Variants in FAM174A observed in about 807,000 individuals in gnomAD.
FAM174A encodes membrane protein FAM174A.
FAM174A carries 14 observed loss-of-function variants against 14.3 expected under a neutral mutation model. The ratio of observed to expected loss-of-function variants is 0.98; its 90% confidence interval spans 0.65 to 1.53. FAM174A has a LOEUF of 1.53. FAM174A is among the 40% of genes most tolerant of loss of function. The pLI is 0.00. For synonymous variants in FAM174A, 108 were observed against 111.4 expected, an observed-to-expected ratio of 0.97 and a Z score of 0.19; for missense variants, 241 against 249.6, an observed-to-expected ratio of 0.97 and a Z score of 0.23.
chr5:100,536,059 C>T (rs1453936774), intron 1 of FAM174A, 95 bp downstream of exon 1: 5 of 1,143,034 alleles, frequency 4.4e-6, no homozygotes, highest in East Asian at 5.2e-5. Context: ...TTTCCCCCTT[C>T]CCCAGCATCA....
intron 1 of FAM174A, among the ~76,000 whole-genome samples, chr5:100,558,187 C>G (rs1054296665): frequency 6.6e-6 from 1 of 152,130 alleles, no homozygotes; most frequent in African/African-American, 2.4e-5. Flanking sequence ...GCCTTCATTT[C>G]GTTATGTACC....
chr5:100,566,992 C>T (rs1376027214), intron 2 of FAM174A, among the ~76,000 whole-genome samples: 2 of 151,788 alleles, frequency 1.3e-5, no homozygotes, highest in African/African-American at 4.8e-5. Flanking sequence ...ACTTGCATTA[C>T]AGTTACAGCA....
chr5:100,580,191 C>T (rs1022571803), intron 2 of FAM174A, among the ~76,000 whole-genome samples: 1 of 152,028 alleles, frequency 6.6e-6, no homozygotes, highest in African/African-American at 2.4e-5. Context: ...AAGAATTGCC[C>T]CTGTCTGACA....
chr5:100,550,174 G>A (rs950787890), intron 1 of FAM174A, among the ~76,000 whole-genome samples: 10 of 152,178 alleles, frequency 6.6e-5, no homozygotes, highest in African/African-American at 2.4e-4. Flanking sequence ...TTGGGTTAGA[G>A]TATGACAGTT....
intron 2 of FAM174A, among the ~76,000 whole-genome samples, chr5:100,576,596 G>C (rs934319618): frequency 7.9e-5 from 12 of 152,062 alleles, no homozygotes; most frequent in African/African-American, 2.9e-4. Context: ...GGAGGAAAAT[G>C]GAAGTACCAT....
At chr5:100,536,094 ATTGAC>A in intron 1 of FAM174A, 130 bp downstream of exon 1, 1 of 802,354 alleles carries the variant, frequency 1.2e-6, no homozygotes, top group South Asian at 2.2e-5. Context: ...AGAATATGAT[ATTGAC>A]TTTCTTAAAG....
intron 1 of FAM174A, among the ~76,000 whole-genome samples, chr5:100,550,509 A>G (rs1167292218): frequency 6.6e-6 from 1 of 152,136 alleles, no homozygotes; most frequent in Admixed American, 6.6e-5. Context: ...TTGTTTAGCA[A>G]TATTTATCAG....
At chr5:100,585,873 T>G (rs535228306) in intron 2 of FAM174A, among the ~76,000 whole-genome samples, 9 of 152,210 alleles carry the variant, frequency 5.9e-5, no homozygotes, top group Non-Finnish European at 1.5e-5. Flanking sequence ...TATTGTATAC[T>G]CAAGTCAACT....
At chr5:100,538,971 A>T (rs1472459830) in intron 1 of FAM174A, among the ~76,000 whole-genome samples, 3 of 152,148 alleles carry the variant, frequency 2.0e-5, no homozygotes, top group African/African-American at 7.2e-5. Context: ...TTCTTGCCTT[A>T]AAAGCAGGGA....
intron 2 of FAM174A, among the ~76,000 whole-genome samples, chr5:100,574,897 G>A (rs373207894): frequency 7.9e-5 from 12 of 152,100 alleles, no homozygotes; most frequent in African/African-American, 2.7e-4. Context: ...CCTTACTGCA[G>A]GACGTATTAG....
chr5:100,575,314 C>G (rs1746878820), intron 2 of FAM174A, among the ~76,000 whole-genome samples: 1 of 151,954 alleles, frequency 6.6e-6, no homozygotes, highest in African/African-American at 2.4e-5. Context: ...AGGTTTGTTA[C>G]ATATGTATAC....
intron 2 of FAM174A, chr5:100,581,554 AC>A (rs201690188): frequency 0.055 from 9,073 of 165,046 alleles, 914 homozygotes; most frequent in African/African-American, 0.2. Context: ...GGAATTCAAG[AC>A]CTCGCTTAAG....
At position 100,562,114 on chromosome 5, in the gene FAM174A, T is replaced by C. The variant is rs772812927; in HGVS notation, c.495T>C (p.Asn165=). 54 of 1,588,168 alleles carry C rather than the reference T, an allele frequency of 3.4e-5. No homozygotes were observed. Among genetic ancestry groups the C allele is most frequent in the Non-Finnish European group, 4.3e-5 (50 of 1,168,820 alleles). ...RYGVLDTNIE[N]MELTPLEQDD... is the part of the protein sequence containing the mutation. ...GAGTTTTGGACACTAACATAGAAAATATGGAATTGACACCTTTAGAACAGG... is the reference window on the plus strand; with the variant it reads ...GAGTTTTGGACACTAACATAGAAAACATGGAATTGACACCTTTAGAACAGG... Residue 165 remains asparagine, a synonymous_variant, in exon 2 of 3, where the codon AAT becomes AAC. Coordinates refer to ENST00000312637, the MANE Select transcript of FAM174A (RefSeq NM_198507.3).
At chr5:100,575,188 A>C (rs969290467) in intron 2 of FAM174A, among the ~76,000 whole-genome samples, 2 of 152,128 alleles carry the variant, frequency 1.3e-5, no homozygotes, top group Non-Finnish European at 2.9e-5. Context: ...TATAAGTAGA[A>C]TGATTTGTCT....
chr5:100,585,291 T>A (rs1285270218), intron 2 of FAM174A, among the ~76,000 whole-genome samples: 1 of 152,234 alleles, frequency 6.6e-6, no homozygotes, highest in African/African-American at 2.4e-5. Context: ...CTTATGTGCA[T>A]AAGTTTTGAT....
chr5:100,539,350 A>G (rs1404974510), intron 1 of FAM174A, among the ~76,000 whole-genome samples: 1 of 152,152 alleles, frequency 6.6e-6, no homozygotes, highest in African/African-American at 2.4e-5. Flanking sequence ...GGATGCTATG[A>G]AAAGGCATTA....
At chr5:100,555,314 A>C (rs1194942196) in intron 1 of FAM174A, among the ~76,000 whole-genome samples, 1 of 151,854 alleles carries the variant, frequency 6.6e-6, no homozygotes, top group African/African-American at 2.4e-5. Context: ...ACATTTTCTT[A>C]ATCCAGTCTA....
chr5:100,574,369 G>A (rs1188356111), intron 2 of FAM174A, among the ~76,000 whole-genome samples: 2 of 151,770 alleles, frequency 1.3e-5, no homozygotes, highest in Admixed American at 6.6e-5. Flanking sequence ...TGTATTTTTA[G>A]TAGAGACAGG....
chr5:100,548,576 A>G (rs1368481586), intron 1 of FAM174A, among the ~76,000 whole-genome samples: 1 of 152,096 alleles, frequency 6.6e-6, no homozygotes, highest in Non-Finnish European at 1.5e-5. Context: ...ATTTGTCTCA[A>G]TATTTTAAAA....
Sources: gnomAD v4.1 joint callset for allele counts (sites outside exome capture counted in the v4.1 genomes callset) on GRCh38, gnomAD v4.1.1 for gene constraint, MANE v1.5 for transcripts, NCBI Gene and HGNC (gene_info 2026-07-23, HGNC 2026-07-21) for gene names.